Variants in ADCK1 observed in about 807,000 individuals in gnomAD.
The protein encoded by ADCK1 is aarF domain-containing protein kinase 1.
In ADCK1, 41 loss-of-function variants were observed where a neutral mutation model predicts 52.3. The ratio of observed to expected loss-of-function variants is 0.78; its 90% CI spans 0.61 to 1.02. The LOEUF (loss-of-function observed/expected upper bound fraction) is 1.02. ADCK1 is among the 50% of genes least tolerant of loss of function. The pLI is 0.00. For missense variants in ADCK1, 658 were observed against 679.5 expected (o/e 0.97, Z 0.35); for synonymous variants, 250 against 274.6 (o/e 0.91, Z 0.89).
intron 6 of ADCK1, chr14:77,900,817 T>C (rs1044046854): frequency 2.4e-5 from 8 of 328,152 alleles, no homozygotes; most frequent in African/African-American, 1.7e-4. Context: ...ACATATCAAT[T>C]GCATTGGAAC....
At chr14:77,909,713 C>G (rs2083750282) in intron 7 of ADCK1, among the ~76,000 whole-genome samples, 1 of 152,174 alleles carries the variant, frequency 6.6e-6, no homozygotes, top group African/African-American at 2.4e-5. Flanking sequence ...TGGTGTGTGG[C>G]TAGCATTCCA....
intron 5 of ADCK1, among the ~76,000 whole-genome samples, chr14:77,893,802 T>C (rs6574410): frequency 0.64 from 96,181 of 149,348 alleles, 31,095 homozygotes; most frequent in Admixed American, 0.69. Context: ...GGTGCGACCT[T>C]GGCTCACTGC....
At chr14:77,832,150 G>A (rs1374450237) in intron 3 of ADCK1, among the ~76,000 whole-genome samples, 38 of 152,078 alleles carry the variant, frequency 2.5e-4, no homozygotes, top group Admixed American at 1.9e-3. Flanking sequence ...GCTAATTTTT[G>A]TATTTTTAGT....
chr14:77,927,932 G>T (rs1471746057), intron 9 of ADCK1, among the ~76,000 whole-genome samples: 1 of 152,206 alleles, frequency 6.6e-6, no homozygotes, highest in Non-Finnish European at 1.5e-5. Context: ...CTGAGCAGGA[G>T]AGGGAGATGC....
At chr14:77,866,311 T>A (rs1019153113) in intron 4 of ADCK1, among the ~76,000 whole-genome samples, 2 of 152,216 alleles carry the variant, frequency 1.3e-5, no homozygotes, top group East Asian at 3.8e-4. Flanking sequence ...TGTGGTCCGT[T>A]GTTGACCGAA....
chr14:77,852,660 AATATATATATATATATAT>A (rs370053776), intron 3 of ADCK1, among the ~76,000 whole-genome samples: 12 of 31,734 alleles, frequency 3.8e-4, no homozygotes, highest in Admixed American at 2.5e-3. Context: ...TAAATAAATA[AATATATATATATATATAT>A]ATATATATAT....
intron 1 of ADCK1, among the ~76,000 whole-genome samples, chr14:77,800,609 C>A (rs1037298125): frequency 2.0e-5 from 3 of 152,234 alleles, no homozygotes; most frequent in African/African-American, 7.2e-5. Flanking sequence ...GGGGGCGATG[C>A]CCATATCCTG....
chr14:77,906,524 T>C (rs1344962220), intron 6 of ADCK1, among the ~76,000 whole-genome samples: 1 of 152,202 alleles, frequency 6.6e-6, no homozygotes, highest in Non-Finnish European at 1.5e-5. Flanking sequence ...GTAATGCATT[T>C]GTCTGTAGGC....
intron 3 of ADCK1, among the ~76,000 whole-genome samples, chr14:77,839,401 T>C (rs2082020873): frequency 6.6e-6 from 1 of 152,046 alleles, no homozygotes; most frequent in African/African-American, 2.4e-5. Flanking sequence ...TGGCAAGCTG[T>C]GTGCTGGGGC....
At chr14:77,900,244 G>T (rs1416978365) in intron 6 of ADCK1, among the ~76,000 whole-genome samples, 1 of 152,168 alleles carries the variant, frequency 6.6e-6, no homozygotes, top group Non-Finnish European at 1.5e-5. Flanking sequence ...GTGGGCATCA[G>T]AAGGGTTGCT....
chr14:77,820,639 CGT>C (rs10549011), intron 2 of ADCK1, among the ~76,000 whole-genome samples: 20,865 of 148,734 alleles, frequency 0.14, 1,705 homozygotes, highest in African/African-American at 0.22. Flanking sequence ...GCCAATTTTA[CGT>C]GTGTGTGTGT....
At position 77,841,254 on chromosome 14, in the gene ADCK1, C is replaced by T. The variant is rs186946818; in HGVS notation, c.220-17822C>T. 5.7e-4 allele frequency among the ~76,000 whole-genome samples: 86 copies of T among 152,130 alleles called. No individual in the cohort carries two copies. In the Middle Eastern group the frequency reaches 0.01, roughly 18 times the overall value. ...GGCCCGAGTGATAGACTAGAGTGAA[C>T]GATAGGGCATGTGGTACAAAATGAG... is the stretch of plus-strand genomic sequence containing the variant. On this transcript the variant is annotated intron_variant, in intron 3 of 10. Transcript: ENST00000238561.
chr14:77,917,147 C>T (rs1025124898), intron 7 of ADCK1, among the ~76,000 whole-genome samples: 2 of 152,132 alleles, frequency 1.3e-5, no homozygotes, highest in African/African-American at 2.4e-5. Context: ...ATCATTTGAA[C>T]CCAGGTGTTC....
intron 4 of ADCK1, among the ~76,000 whole-genome samples, chr14:77,883,363 G>A (rs2083075846): frequency 1.4e-5 from 2 of 146,572 alleles, no homozygotes. Flanking sequence ...GCTGGGGGAC[G>A]AGGCCTGATT....
chr14:77,806,289 G>C (rs1362094653), intron 1 of ADCK1, among the ~76,000 whole-genome samples: 3 of 152,024 alleles, frequency 2.0e-5, no homozygotes, highest in African/African-American at 7.2e-5. Flanking sequence ...TTTATGGAGG[G>C]ATGGTTATCA....
At chr14:77,917,959 G>A (rs923755223) in intron 7 of ADCK1, among the ~76,000 whole-genome samples, 4 of 152,208 alleles carry the variant, frequency 2.6e-5, no homozygotes, top group East Asian at 1.9e-4. Flanking sequence ...TCTGGAGCCA[G>A]TGCTCCTAGG....
chr14:77,883,543 A>G (rs2083080764), intron 4 of ADCK1, among the ~76,000 whole-genome samples: 1 of 152,146 alleles, frequency 6.6e-6, no homozygotes, highest in African/African-American at 2.4e-5. Context: ...TGCAGCACCA[A>G]TCTTTAATTA....
At chr14:77,882,965 C>G (rs910663441) in intron 4 of ADCK1, among the ~76,000 whole-genome samples, 78 of 132,256 alleles carry the variant, frequency 5.9e-4, no homozygotes, top group African/African-American at 1.9e-3. Flanking sequence ...CACCCCCCCC[C>G]CCGTGCTTTT....
At chr14:77,857,058 T>G (rs1042400736) in intron 3 of ADCK1, among the ~76,000 whole-genome samples, 2 of 151,662 alleles carry the variant, frequency 1.3e-5, no homozygotes, top group African/African-American at 2.4e-5. Flanking sequence ...TGCTAGTGCC[T>G]GGAGTCTGAG....
Sources: gnomAD v4.1 joint callset for allele counts (sites outside exome capture counted in the v4.1 genomes callset) on GRCh38, gnomAD v4.1.1 for gene constraint, MANE v1.5 for transcripts, NCBI Gene and HGNC (gene_info 2026-07-23, HGNC 2026-07-21) for gene names.